RREB1: variants seen among roughly 807,000 people sequenced by gnomAD.
RREB1 encodes the protein ras-responsive element-binding protein 1.
In RREB1, 27 loss-of-function variants were observed where a neutral mutation model predicts 117.8. The observed-to-expected ratio is 0.23, with a 90% confidence interval of 0.17 to 0.32. RREB1 has a LOEUF of 0.32. Among genes scored for constraint, RREB1 ranks in the 10% least tolerant of loss-of-function variants. The pLI, the probability that RREB1 is intolerant of heterozygous loss-of-function variation, is 1.00. For missense variants in RREB1, 2,577 were observed against 2,378.2 expected (o/e 1.08, Z -1.74); for synonymous variants, 1,298 against 1,026.7 (o/e 1.26, Z -5.05).
chr6:7,195,377 A>G (rs1390868085), intron 6 of RREB1, among the ~76,000 whole-genome samples: 1 of 152,122 alleles, frequency 6.6e-6, no homozygotes, highest in Non-Finnish European at 1.5e-5. Context: ...ATGTGAGAAC[A>G]CTTACAAAAA....
At position 7,231,447 on chromosome 6, in the gene RREB1, C is replaced by T. The variant is rs376032646; in HGVS notation, c.3348C>T (p.Thr1116=). 5 of 1,613,146 alleles carry T rather than the reference C, an allele frequency of 3.1e-6. No individual in the cohort carries two copies. The highest frequency in any genetic ancestry group is 4.2e-6 in the Non-Finnish European group (5 of 1,179,864). Residue 1116 remains threonine (T), a synonymous_variant, in exon 10 of 13, where the codon ACC becomes ACT. Transcript: ENST00000379938. ...TCCCCAAAGCCGCCACCACCGCCAC[C>T]CCCGCTGCCACCACCAGCCCAAAAG... ...GSVPKAATTA[T]PAATTSPKES...
chr6:7,123,136 C>G (rs1017890589), intron 1 of RREB1, among the ~76,000 whole-genome samples: 2 of 152,012 alleles, frequency 1.3e-5, no homozygotes, highest in Non-Finnish European at 2.9e-5. Context: ...CCATCTGATG[C>G]ATCATCTGTG....
chr6:7,161,161 AG>A (rs1763643358), intron 1 of RREB1, among the ~76,000 whole-genome samples: 1 of 152,138 alleles, frequency 6.6e-6, no homozygotes, highest in Admixed American at 6.5e-5. Flanking sequence ...AGGTGGGACC[AG>A]GTTCAAGCAG....
intron 8 of RREB1, chr6:7,218,265 G>A (rs1045558423): frequency 3.9e-5 from 6 of 152,214 alleles, no homozygotes; most frequent in Admixed American, 3.9e-4. Flanking sequence ...TCCCTCAGCT[G>A]TCACAATGGT....
chr6:7,127,825 G>A (rs1192089129), intron 1 of RREB1, among the ~76,000 whole-genome samples: 1 of 152,076 alleles, frequency 6.6e-6, no homozygotes, highest in Non-Finnish European at 1.5e-5. Context: ...CAGAGCATGT[G>A]CCCTCATCTG....
Position 7,188,235 on chromosome 6 carries a change from G to GTGTA in RREB1, c.261+715_261+716insATGT. 2.7e-5 allele frequency among the ~76,000 whole-genome samples: 3 copies of GTGTA among 110,970 alleles called. No homozygotes were observed. The South Asian group carries it at 7.5e-4, about 28-fold the overall frequency. 72.8% of individuals were successfully genotyped at this position (110,970 alleles called of 152,430 possible). On this transcript the variant is annotated intron_variant, in intron 5 of 12. Coordinates refer to ENST00000379938, the MANE Select transcript of RREB1 (RefSeq NM_001003699.4). ...ATCGCTCCCCCCCACACGTGTGTGTGTGTGTGTGTGTGTGTGTGCGCGCGC... is the reference window on the plus strand; with the variant it reads ...ATCGCTCCCCCCCACACGTGTGTGTGTGTATGTGTGTGTGTGTGTGTGCGCGCGC...
At chr6:7,167,601 C>T (rs954375299) in intron 1 of RREB1, among the ~76,000 whole-genome samples, 3 of 152,142 alleles carry the variant, frequency 2.0e-5, no homozygotes, top group African/African-American at 4.8e-5. Flanking sequence ...GCAGTCTACC[C>T]GCCTCAGGCG....
intron 6 of RREB1, among the ~76,000 whole-genome samples, chr6:7,190,386 A>C (rs1765340831): frequency 6.6e-6 from 1 of 152,208 alleles, no homozygotes; most frequent in African/African-American, 2.4e-5. Flanking sequence ...GGTGCTAATT[A>C]GTTTAGCACA....
intron 1 of RREB1, among the ~76,000 whole-genome samples, chr6:7,173,927 T>C (rs1764364752): frequency 6.6e-6 from 1 of 152,230 alleles, no homozygotes; most frequent in South Asian, 2.1e-4. Context: ...TTTCTGGCTT[T>C]ACATAGCATT....
Position 7,249,036 on chromosome 6 carries a change from C to T in RREB1, c.*68C>T. 1 of 1,206,102 alleles carries T rather than the reference C, an allele frequency of 8.3e-7. No individual in the cohort carries two copies. The highest frequency in any genetic ancestry group is 2.6e-5 in the East Asian group (1 of 38,474). The allele number at this position is 1,206,102 out of a possible 1,614,324, so 74.7% of individuals were successfully genotyped here. On this transcript the variant is annotated 3_prime_UTR_variant, in exon 13 of 13. Transcript: ENST00000379938. ...AAGCGTCTATACTTCATGGGGTTTCCTCAGTGCCCTTTGGCTGTTGAGGAG... is the reference window on the plus strand; with the variant it reads ...AAGCGTCTATACTTCATGGGGTTTCTTCAGTGCCCTTTGGCTGTTGAGGAG...
rs1769348845 is a variant in RREB1 at position 7,250,179 on chromosome 6, CGTGAGCGAG to C, written c.*1214_*1222del. ...TGACCCAGTGACCAGGCACATTACT[CGTGAGCGAG>C]GTATTCCCAGTCTTCCTGCTAAGCC... On this transcript the variant is annotated 3_prime_UTR_variant, in exon 13 of 13. Coordinates refer to ENST00000379938, the MANE Select transcript of RREB1 (RefSeq NM_001003699.4). The C allele has an allele frequency of 6.6e-6, 1 of 152,348 alleles. No homozygotes were observed. Among genetic ancestry groups the C allele is most frequent in the Admixed American group, 6.5e-5 (1 of 15,280 alleles). 9.4% of individuals were successfully genotyped at this position (152,348 alleles called of 1,614,324 possible). A position where few individuals can be genotyped will look rare whatever the true frequency, so the allele number is the denominator to read the frequency against.
chr6:7,108,550 C>G (rs922819720), intron 1 of RREB1: 3 of 152,360 alleles, frequency 2.0e-5, no homozygotes. Flanking sequence ...CCAGAAACAT[C>G]TTCCCAGCGC....
At chr6:7,126,565 G>T (rs917424902) in intron 1 of RREB1, among the ~76,000 whole-genome samples, 1 of 152,252 alleles carries the variant, frequency 6.6e-6, no homozygotes, top group African/African-American at 2.4e-5. Context: ...CACTGTGCTG[G>T]CAGGACTGTT....
At chr6:7,247,245 C>T (rs766173002) in intron 12 of RREB1, 24 bp downstream of exon 12, 7 of 1,593,106 alleles carry the variant, frequency 4.4e-6, no homozygotes, top group Admixed American at 3.5e-5. Flanking sequence ...GCCAGGTCCC[C>T]GGCCCAACAA....
intron 5 of RREB1, among the ~76,000 whole-genome samples, chr6:7,188,265 G>A (rs1187227901): frequency 2.0e-5 from 3 of 151,938 alleles, no homozygotes; most frequent in African/African-American, 4.8e-5. Flanking sequence ...GCGCGCGCAC[G>A]TGTGTGACGG....
At chr6:7,213,902 C>T (rs1766750998) in intron 8 of RREB1, 1 of 152,242 alleles carries the variant, frequency 6.6e-6, no homozygotes. Context: ...TTCTGTTCTG[C>T]AGGAAAAATA....
At chr6:7,138,632 A>G (rs1311035708) in intron 1 of RREB1, among the ~76,000 whole-genome samples, 1 of 152,336 alleles carries the variant, frequency 6.6e-6, no homozygotes, top group East Asian at 1.9e-4. Flanking sequence ...GAAAATTGAC[A>G]GTTTTCTAGC....
chr6:7,133,005 A>T (rs138910822), intron 1 of RREB1, among the ~76,000 whole-genome samples: 1 of 152,200 alleles, frequency 6.6e-6, no homozygotes, highest in Non-Finnish European at 1.5e-5. Flanking sequence ...CAAGTAGTCA[A>T]ATTGGTGATA....
At chr6:7,142,640 A>T (rs534228019) in intron 1 of RREB1, among the ~76,000 whole-genome samples, 2 of 152,362 alleles carry the variant, frequency 1.3e-5, no homozygotes, top group Non-Finnish European at 2.9e-5. Flanking sequence ...GCGCCTCTGC[A>T]GCCATGTGAT....
Sources: allele counts gnomAD v4.1 joint callset (sites outside exome capture counted in the v4.1 genomes callset), GRCh38; gene constraint gnomAD v4.1.1; transcripts MANE v1.5; gene names NCBI Gene and HGNC (gene_info 2026-07-23, HGNC 2026-07-21).